Variants in NLRP14 observed in about 807,000 individuals in gnomAD.
NLRP14 encodes the protein NLR family pyrin domain containing 14, also known as NACHT, LRR and PYD domains-containing protein 14.
In NLRP14, 105 loss-of-function variants were observed where a neutral mutation model predicts 94.7. The observed-to-expected ratio is 1.11, with a 90% confidence interval of 0.95 to 1.30. The LOEUF (loss-of-function observed/expected upper bound fraction) is 1.30. Among genes scored for constraint, NLRP14 ranks in the 50% most tolerant of loss-of-function variants. The pLI, the probability that NLRP14 is intolerant of heterozygous loss-of-function variation, is 0.00. For missense variants in NLRP14, 1,362 were observed against 1,254.1 expected, an observed-to-expected ratio of 1.09 and a Z score of -1.30; for synonymous variants, 508 against 459.9, an observed-to-expected ratio of 1.10 and a Z score of -1.34.
In NLRP14 at chr11:7,043,727, A is replaced by C; in HGVS notation, c.1701A>C (p.Leu567Phe). Reference protein sequence around the residue: ...KSKLLQCMEVLGNSDYSPSQL... With the variant: ...KSKLLQCMEVFGNSDYSPSQL... Reference sequence around the variant, plus strand: ...AGTTACTTCAGTGTATGGAAGTATTAGGAAACAGTGACTATTCTCCATCAC... The same window carrying C: ...AGTTACTTCAGTGTATGGAAGTATTCGGAAACAGTGACTATTCTCCATCAC... Residue 567 changes from leucine to phenylalanine, a missense_variant, in exon 4 of 12, where the codon TTA becomes TTC. Physicochemically the swap from Leu to Phe is conservative, Grantham distance 22. Transcript: ENST00000299481. The C allele has an allele frequency of 1.2e-6, 2 of 1,614,158 alleles. No individual in the cohort carries two copies. The highest frequency in any genetic ancestry group is 2.2e-5 in the South Asian group (2 of 91,080).
chr11:7,043,917 A>T lies in NLRP14; in HGVS notation c.1891A>T (p.Ile631Phe), dbSNP rs1402583162. 3 of 1,614,186 alleles carry T rather than the reference A, an allele frequency of 1.9e-6. No homozygotes were observed. In the South Asian group the frequency reaches 3.3e-5, roughly 18 times the overall value. The change falls in exon 4 of 12, where the codon ATC (isoleucine) becomes TTC (phenylalanine). Residue 631 changes from isoleucine to phenylalanine, a missense_variant. Ile to Phe is a conservative substitution (Grantham distance 21). Transcript: ENST00000299481. ...CLKHCRCLRT[I>F]RLSVTVVFEK... ...TAAGCACTGCCGGTGTTTGCGGACC[A>T]TCAGGCTGTCTGTAACTGTGGTATT...
chr11:7,065,448 T>C (rs1852690347), intron 10 of NLRP14, among the ~76,000 whole-genome samples: 2 of 152,164 alleles, frequency 1.3e-5, no homozygotes, highest in Admixed American at 1.3e-4. Context: ...AATTTGTAGA[T>C]ACTTTTGTAT....
chr11:7,054,494 T>C (rs1852491581), intron 6 of NLRP14, among the ~76,000 whole-genome samples: 1 of 152,100 alleles, frequency 6.6e-6, no homozygotes, highest in Non-Finnish European at 1.5e-5. Context: ...TTTGGATAGG[T>C]CATTTTTACT....
the NLRP14 span, among the ~76,000 whole-genome samples, chr11:7,088,808 G>A: frequency 5.9e-5 from 9 of 152,238 alleles, no homozygotes; most frequent in South Asian, 1.2e-3. Flanking sequence ...TCCACCTAAC[G>A]GCTTTTCCCT....
chr11:7,065,132 C>T (rs149213115), intron 10 of NLRP14, among the ~76,000 whole-genome samples: 2 of 152,046 alleles, frequency 1.3e-5, no homozygotes, highest in Non-Finnish European at 2.9e-5. Flanking sequence ...GTACTGCCCC[C>T]CAACCTACCT....
At chr11:7,025,091 T>G (rs1428442816) in intron 1 of NLRP14, among the ~76,000 whole-genome samples, 1 of 152,092 alleles carries the variant, frequency 6.6e-6, no homozygotes, top group Non-Finnish European at 1.5e-5. Flanking sequence ...GTAGACCAAA[T>G]AACTCATGAC....
intron 6 of NLRP14, among the ~76,000 whole-genome samples, chr11:7,057,465 G>A (rs1852531907): frequency 6.6e-6 from 1 of 152,002 alleles, no homozygotes; most frequent in Non-Finnish European, 1.5e-5. Context: ...TTAAGGGGAT[G>A]GGAATGTGAT....
chr11:7,089,723 G>C, the NLRP14 span: 1 of 1,452,122 alleles, frequency 6.9e-7, no homozygotes, highest in Non-Finnish European at 9.1e-7. Context: ...CGCTGCCCCC[G>C]CGCCGCGACC....
At chr11:7,082,123 A>C in the NLRP14 span, among the ~76,000 whole-genome samples, 1 of 152,180 alleles carries the variant, frequency 6.6e-6, no homozygotes, top group Non-Finnish European at 1.5e-5. Context: ...CAAGAACCAA[A>C]TATATATATT....
chr11:7,023,402 T>C (rs965863127), intron 1 of NLRP14, among the ~76,000 whole-genome samples: 1 of 146,384 alleles, frequency 6.8e-6, no homozygotes, highest in Non-Finnish European at 1.5e-5. Flanking sequence ...ATTTTTTATA[T>C]AAAAACATTT....
intron 1 of NLRP14, among the ~76,000 whole-genome samples, chr11:7,036,107 T>C (rs971799375): frequency 1.3e-5 from 2 of 152,246 alleles, no homozygotes; most frequent in Non-Finnish European, 2.9e-5. Flanking sequence ...ATAGTCATTA[T>C]TAATATGAGC....
the NLRP14 span, among the ~76,000 whole-genome samples, chr11:7,085,191 C>CA: frequency 6.6e-6 from 1 of 152,182 alleles, no homozygotes; most frequent in South Asian, 2.1e-4. Flanking sequence ...ATACATATAA[C>CA]ATGGTGTTCA....
Position 7,038,710 on chromosome 11 carries a change from C to A in NLRP14, c.124C>A (p.His42Asn). 6.2e-7 allele frequency: 1 copy of A among 1,614,100 alleles called. No individual in the cohort carries two copies. ...LFLKETMEPEHGLTPWNEVKK... is the reference protein window; with the variant it reads ...LFLKETMEPENGLTPWNEVKK... ...CCTAAAGGAGACCATGGAACCTGAG[C>A]ATGGCCTGACACCCTGGAATGAAGT... Residue 42 changes from histidine to asparagine, a missense_variant, in exon 2 of 12, where the codon CAT (histidine) becomes AAT (asparagine). Coordinates refer to ENST00000299481, the MANE Select transcript of NLRP14 (RefSeq NM_176822.4).
rs557025521 is a variant in NLRP14, at chr11:7,042,710, C to T, written c.684C>T (p.Ser228=). Residue 228 remains serine, a synonymous_variant, in exon 4 of 12, where the codon AGC becomes AGT. Coordinates refer to ENST00000299481, the MANE Select transcript of NLRP14 (RefSeq NM_176822.4). ...GREINQLKER[S]FAQLISKDWP... ...AAATTAACCAGCTGAAAGAGAGAAG[C>T]TTTGCTCAATTGATATCAAAGGACT... The T allele has an allele frequency of 1.4e-5, 23 of 1,614,082 alleles. No homozygotes were observed. Among genetic ancestry groups the T allele is most frequent in the Non-Finnish European group, 1.9e-5 (22 of 1,180,040 alleles).
At chr11:7,089,060 C>G in the NLRP14 span, 1 of 1,564,520 alleles carries the variant, frequency 6.4e-7, no homozygotes, top group South Asian at 1.1e-5. Flanking sequence ...AGCTCGAAGG[C>G]TGCGACTGGC....
chr11:7,067,283 T>G (rs978430308), intron 10 of NLRP14, among the ~76,000 whole-genome samples: 2 of 152,194 alleles, frequency 1.3e-5, no homozygotes, highest in African/African-American at 4.8e-5. Flanking sequence ...ACCTATAAAT[T>G]ACTTTGAGCA....
At chr11:7,034,662 T>G (rs1183296761) in intron 1 of NLRP14, among the ~76,000 whole-genome samples, 1 of 152,232 alleles carries the variant, frequency 6.6e-6, no homozygotes, top group Non-Finnish European at 1.5e-5. Flanking sequence ...GTTAACAATA[T>G]ATCTTCAAAT....
At chr11:7,046,873 T>C in intron 5 of NLRP14, 41 bp downstream of exon 5, 2 of 1,483,702 alleles carry the variant, frequency 1.3e-6, no homozygotes, top group Non-Finnish European at 1.9e-6. Context: ...TTATTCTAAT[T>C]TCTTTCTGTG....
chr11:7,087,959 A>C, the NLRP14 span, among the ~76,000 whole-genome samples: 2 of 152,228 alleles, frequency 1.3e-5, no homozygotes. Context: ...ATATCTCACA[A>C]TATAACCTTA....
Sources: allele counts gnomAD v4.1 joint callset (sites outside exome capture counted in the v4.1 genomes callset), GRCh38; gene constraint gnomAD v4.1.1; transcripts MANE v1.5; gene names NCBI Gene and HGNC (gene_info 2026-07-23, HGNC 2026-07-21).